Variants in OSBPL1A observed in about 807,000 individuals in gnomAD.
The protein encoded by OSBPL1A is oxysterol-binding protein-related protein 1.
OSBPL1A carries 80 observed loss-of-function variants against 137.1 expected under a neutral mutation model. The ratio of observed to expected loss-of-function variants is 0.58; its 90% confidence interval spans 0.49 to 0.70. OSBPL1A has a LOEUF of 0.70. Ranked by LOEUF, OSBPL1A falls within the 30% of genes least tolerant of loss-of-function variation. OSBPL1A has a pLI of 0.00. For synonymous variants in OSBPL1A, 365 were observed against 389.7 expected (o/e 0.94, Z 0.75); for missense variants, 970 against 1,129.4 (o/e 0.86, Z 2.02).
chr18:24,294,464 C>T (rs2090253667), intron 14 of OSBPL1A, among the ~76,000 whole-genome samples: 1 of 152,090 alleles, frequency 6.6e-6, no homozygotes, highest in Admixed American at 6.6e-5. Flanking sequence ...GAACTCCTGA[C>T]CTCAGGTGAT....
intron 15 of OSBPL1A, among the ~76,000 whole-genome samples, chr18:24,247,354 CA>C (rs2088927539): frequency 6.6e-6 from 1 of 152,222 alleles, no homozygotes; most frequent in East Asian, 1.9e-4. Context: ...GTGAACTTGA[CA>C]AGGGCAGCTT....
chr18:24,328,438 T>C (rs1239276983), intron 7 of OSBPL1A, among the ~76,000 whole-genome samples: 1 of 152,012 alleles, frequency 6.6e-6, no homozygotes, highest in African/African-American at 2.4e-5. Context: ...CACACCTCTG[T>C]CGAAAATTAA....
intron 15 of OSBPL1A, among the ~76,000 whole-genome samples, chr18:24,259,636 T>C (rs72884855): frequency 0.28 from 42,061 of 152,074 alleles, 7,026 homozygotes; most frequent in Middle Eastern, 0.43. Context: ...CTCATTTTCT[T>C]TACAGTGAAA....
At position 24,312,078 on chromosome 18, in the gene OSBPL1A, G is replaced by A. The variant is rs776278693; in HGVS notation, c.998C>T (p.Ser333Phe). ...GGAACAGTAGTGAGTGCTGTAAGCA[G>A]AATGTTCTTCTATTGCTTCCAGCCA... ...EDWLEAIEEHSAYSTHYCSQD... is the reference protein window; with the variant it reads ...EDWLEAIEEHFAYSTHYCSQD... The change falls in exon 13 of 28, where the codon TCT (serine) becomes TTT (phenylalanine). Residue 333 changes from serine to phenylalanine, a missense_variant. By Grantham distance (155) the Ser-to-Phe change is radical (BLOSUM62 -2). Around this residue, in one of 2 missense-constraint regions of OSBPL1A, gnomAD observed 647 missense variants for 672.6 expected, o/e 0.96. Coordinates refer to ENST00000319481, the MANE Select transcript of OSBPL1A (RefSeq NM_080597.4). The A allele has an allele frequency of 6.2e-6, 10 of 1,613,910 alleles. No individual in the cohort carries two copies. In the South Asian group the frequency reaches 1.1e-4, roughly 18 times the overall value.
chr18:24,396,447 T>C (rs1023444177), intron 1 of OSBPL1A, among the ~76,000 whole-genome samples: 1 of 152,200 alleles, frequency 6.6e-6, no homozygotes, highest in East Asian at 1.9e-4. Flanking sequence ...ACTCAAACTT[T>C]GGCAGTTAAC....
intron 17 of OSBPL1A, among the ~76,000 whole-genome samples, chr18:24,214,230 C>A (rs114698845): frequency 2.0e-5 from 3 of 152,164 alleles, no homozygotes; most frequent in African/African-American, 7.2e-5. Context: ...GAGTAGATCA[C>A]GGTCGTTAGG....
intron 13 of OSBPL1A, among the ~76,000 whole-genome samples, chr18:24,309,176 AC>A (rs553213760): frequency 2.3e-4 from 35 of 152,376 alleles, no homozygotes; most frequent in Non-Finnish European, 3.8e-4. Context: ...GCAGTTCTAT[AC>A]CAATACCATG....
intron 1 of OSBPL1A, among the ~76,000 whole-genome samples, chr18:24,386,208 T>C (rs1205889985): frequency 6.6e-6 from 1 of 152,204 alleles, no homozygotes; most frequent in Non-Finnish European, 1.5e-5. Flanking sequence ...GATTGTTTTA[T>C]TGTTTTTAAG....
intron 1 of OSBPL1A, among the ~76,000 whole-genome samples, chr18:24,382,484 G>A (rs1198479259): frequency 6.6e-6 from 1 of 151,852 alleles, no homozygotes; most frequent in Non-Finnish European, 1.5e-5. Context: ...GGCTGAGGTA[G>A]GAGGATCACT....
At chr18:24,312,409 T>C (rs1425248956) in intron 12 of OSBPL1A, among the ~76,000 whole-genome samples, 1 of 152,216 alleles carries the variant, frequency 6.6e-6, no homozygotes, top group East Asian at 1.9e-4. Flanking sequence ...CTTAAAATTA[T>C]AGGTTCTCGT....
intron 4 of OSBPL1A, among the ~76,000 whole-genome samples, chr18:24,359,384 G>A (rs116324774): frequency 0.01 from 1,521 of 151,974 alleles, 19 homozygotes; most frequent in African/African-American, 0.029. Context: ...CACTACACCC[G>A]GCTCTGGAAG....
chr18:24,367,115 A>C, intron 3 of OSBPL1A, 149 bp from the exon 4 acceptor site: 1 of 658,490 alleles, frequency 1.5e-6, no homozygotes, highest in Non-Finnish European at 2.3e-6. Flanking sequence ...TAACAATAAA[A>C]AGCCAGCACG....
chr18:24,302,055 C>T (rs1482956166), intron 14 of OSBPL1A, among the ~76,000 whole-genome samples: 3 of 151,784 alleles, frequency 2.0e-5, no homozygotes, highest in South Asian at 2.1e-4. Flanking sequence ...GGTGAAACCC[C>T]GTCTCTACTA....
intron 2 of OSBPL1A, among the ~76,000 whole-genome samples, chr18:24,375,137 A>ATTGCTGT (rs1905996750): frequency 6.6e-6 from 1 of 151,990 alleles, no homozygotes; most frequent in Non-Finnish European, 1.5e-5. Flanking sequence ...GAACACAGCA[A>ATTGCTGT]GATCCCGTTT....
chr18:24,374,512 C>CA (rs1269778270), intron 2 of OSBPL1A, among the ~76,000 whole-genome samples: 2 of 152,106 alleles, frequency 1.3e-5, no homozygotes, highest in Admixed American at 6.5e-5. Context: ...AAGACCCCCC[C>CA]TAGATCGCCC....
chr18:24,346,684 T>A (rs2091351224), intron 4 of OSBPL1A, among the ~76,000 whole-genome samples: 4 of 152,238 alleles, frequency 2.6e-5, no homozygotes, highest in African/African-American at 9.6e-5. Flanking sequence ...TGCATGACTA[T>A]ACCACATGTT....
intron 14 of OSBPL1A, among the ~76,000 whole-genome samples, chr18:24,299,163 T>G (rs1485402596): frequency 6.7e-6 from 1 of 148,288 alleles, no homozygotes; most frequent in Non-Finnish European, 1.5e-5. Context: ...ACATTTGGTT[T>G]GTGATTTTTT....
chr18:24,198,422 T>C (rs566036382), intron 17 of OSBPL1A, among the ~76,000 whole-genome samples: 24 of 152,320 alleles, frequency 1.6e-4, no homozygotes, highest in African/African-American at 5.8e-4. Flanking sequence ...TGTGATTTTA[T>C]GAGAATGTAA....
chr18:24,269,018 TCATTCCCCA>T (rs1319094028), intron 15 of OSBPL1A, among the ~76,000 whole-genome samples: 1 of 152,184 alleles, frequency 6.6e-6, no homozygotes, highest in African/African-American at 2.4e-5. Context: ...GGCTCCACCT[TCATTCCCCA>T]CATTCCCTGG....
Sources: allele counts gnomAD v4.1 joint callset (sites outside exome capture counted in the v4.1 genomes callset), GRCh38; gene constraint gnomAD v4.1.1; regional missense constraint gnomAD v4.1.1; transcripts MANE v1.5; gene names NCBI Gene and HGNC (gene_info 2026-07-23, HGNC 2026-07-21).